Variants in DHX32 observed in about 807,000 individuals in gnomAD.
The protein encoded by DHX32 is putative pre-mRNA-splicing factor ATP-dependent RNA helicase DHX32.
In DHX32, 51 loss-of-function variants were observed where a neutral mutation model predicts 70.0. That is an observed-to-expected ratio of 0.73 (90% CI 0.58 to 0.92). The LOEUF (loss-of-function observed/expected upper bound fraction) is 0.92. Ranked by LOEUF, DHX32 falls within the 40% of genes least tolerant of loss-of-function variation. The pLI, the probability that DHX32 is intolerant of heterozygous loss-of-function variation, is 0.00. For missense variants in DHX32, 762 were observed against 891.8 expected (o/e 0.85, Z 1.85); for synonymous variants, 310 against 315.3 (o/e 0.98, Z 0.18).
At chr10:125,862,807 A>G (rs1944198148) in intron 2 of DHX32, among the ~76,000 whole-genome samples, 1 of 152,104 alleles carries the variant, frequency 6.6e-6, no homozygotes, top group Non-Finnish European at 1.5e-5. Flanking sequence ...GTGAGCTATG[A>G]TCCCACAACT....
At chr10:125,860,297 T>C (rs903262138) in intron 2 of DHX32, among the ~76,000 whole-genome samples, 1 of 152,224 alleles carries the variant, frequency 6.6e-6, no homozygotes, top group African/African-American at 2.4e-5. Flanking sequence ...TGTTCTGAGC[T>C]TTATACATAA....
rs757873029 is a variant in DHX32 at position 125,866,951 on chromosome 10, AATC to A, written c.476+36_476+38del. The A allele has an allele frequency of 1.9e-6, 3 of 1,580,556 alleles. No individual in the cohort carries two copies. On this transcript the variant is annotated intron_variant, in intron 2 of 10. Transcript: ENST00000284690. This position sits in a 1 kb window ranked among gnomAD's most constrained non-coding sequence, Gnocchi z 4.8. ...TCAGAATTGTAGAACCTAAGCCAAGAATCATCAGCAGGGAGCGGACTGAACCCC... is the reference window on the plus strand; with the variant it reads ...TCAGAATTGTAGAACCTAAGCCAAGAATCAGCAGGGAGCGGACTGAACCCC...
At chr10:125,886,444 A>T (rs566904527) in intron 1 of DHX32, among the ~76,000 whole-genome samples, 5 of 152,176 alleles carry the variant, frequency 3.3e-5, no homozygotes, top group Non-Finnish European at 7.4e-5. Context: ...TAGTGTCTCC[A>T]CTGCAGTCTA....
rs370666697 is a variant in DHX32, at chr10:125,852,649, A to G, written c.1093-7T>C. The G allele has an allele frequency of 3.4e-5, 55 of 1,596,386 alleles. No homozygotes were observed. Among genetic ancestry groups the G allele is most frequent in the Non-Finnish European group, 4.4e-5 (52 of 1,173,724 alleles). ...TTATTCTCGGGTTGTACACCTTTAAATGGAAAGACAGCATCATTAGCGTCA... is the reference window on the plus strand; with the variant it reads ...TTATTCTCGGGTTGTACACCTTTAAGTGGAAAGACAGCATCATTAGCGTCA... On this transcript the variant is annotated splice_region_variant and splice_polypyrimidine_tract_variant and intron_variant, in intron 4 of 10. Transcript: ENST00000284690.
intron 3 of DHX32, among the ~76,000 whole-genome samples, chr10:125,857,424 A>G (rs1369801104): frequency 1.3e-5 from 2 of 152,202 alleles, no homozygotes; most frequent in African/African-American, 4.8e-5. Context: ...CTGAACAATG[A>G]GGAGCTCACC....
At chr10:125,888,129 G>A (rs77308364) in intron 1 of DHX32, among the ~76,000 whole-genome samples, 5 of 151,210 alleles carry the variant, frequency 3.3e-5, no homozygotes, top group Non-Finnish European at 7.4e-5. Context: ...AAATATACAC[G>A]CCTTGCCTTT....
intron 1 of DHX32, among the ~76,000 whole-genome samples, chr10:125,886,730 ATTAAAGCTGC>A (rs1944342858): frequency 6.6e-6 from 1 of 152,310 alleles, no homozygotes; most frequent in South Asian, 2.1e-4. Context: ...TTCAACATTT[ATTAAAGCTGC>A]TTTCTTCTTG....
At chr10:125,891,850 A>T (rs1944373054) in intron 1 of DHX32, among the ~76,000 whole-genome samples, 2 of 152,144 alleles carry the variant, frequency 1.3e-5, no homozygotes, top group South Asian at 2.1e-4. Flanking sequence ...TTCCACAATC[A>T]GCCCCTCCCC....
chr10:125,884,427 T>C (rs990639033), upstream of DHX32, among the ~76,000 whole-genome samples: 1 of 152,238 alleles, frequency 6.6e-6, no homozygotes, highest in African/African-American at 2.4e-5. Flanking sequence ...TACATTCCAC[T>C]ATAAGAAATT....
chr10:125,892,159 TCACCC>T (rs1368639417), intron 1 of DHX32, among the ~76,000 whole-genome samples: 1 of 151,604 alleles, frequency 6.6e-6, no homozygotes, highest in African/African-American at 2.4e-5. Context: ...ATCCAGTCTA[TCACCC>T]CACTGTCATC....
intron 6 of DHX32, chr10:125,842,186 A>G (rs17153668): frequency 2.3e-6 from 1 of 427,868 alleles, no homozygotes; most frequent in East Asian, 4.8e-5. Context: ...TGCGGGGGGA[A>G]CCCAGGTGGA....
At chr10:125,891,154 T>G (rs1387934356) in intron 1 of DHX32, among the ~76,000 whole-genome samples, 1 of 152,212 alleles carries the variant, frequency 6.6e-6, no homozygotes, top group Non-Finnish European at 1.5e-5. Context: ...TAATTTACTC[T>G]GAGTAGAAGC....
chr10:125,896,407 G>T, exon 1 of DHX32: 2 of 547,964 alleles, frequency 3.6e-6, no homozygotes, highest in Non-Finnish European at 2.7e-6. Flanking sequence ...CCGGGCTTCA[G>T]GAGCAGTGTC....
intron 3 of DHX32, 29 bp from the exon 4 acceptor site, chr10:125,854,232 AAT>A (rs1944126880): frequency 6.4e-7 from 1 of 1,554,266 alleles, no homozygotes; most frequent in African/African-American, 1.4e-5. Flanking sequence ...ATGAAAATAA[AAT>A]ACAATGCAAA....
chr10:125,838,208 T>C lies in DHX32; in HGVS notation c.2061A>G (p.Glu687=), dbSNP rs1854759263. The change falls in exon 10 of 11, where the codon GAA becomes GAG. Residue 687 remains glutamate, a splice_region_variant and synonymous_variant. Transcript: ENST00000284690. Reference sequence around the variant, plus strand: ...CCTTTCTTCTCCATTAAACTTACAGTTCAGGAGAGATTTCTGAGGTAATCC... The same window carrying C: ...CCTTTCTTCTCCATTAAACTTACAGCTCAGGAGAGATTTCTGAGGTAATCC... ...YIRITSEISP[E]LFMQLVPQYY... 3.1e-6 allele frequency: 5 copies of C among 1,601,452 alleles called. No homozygotes were observed. Among genetic ancestry groups the C allele is most frequent in the Non-Finnish European group, 4.3e-6 (5 of 1,176,248 alleles).
intron 1 of DHX32, among the ~76,000 whole-genome samples, chr10:125,877,965 A>G (rs1254368772): frequency 6.6e-6 from 1 of 152,202 alleles, no homozygotes; most frequent in Non-Finnish European, 1.5e-5. Flanking sequence ...TTCACACTAT[A>G]TGGTCTATTC....
At chr10:125,891,040 A>C (rs1484527541) in intron 1 of DHX32, among the ~76,000 whole-genome samples, 1 of 152,162 alleles carries the variant, frequency 6.6e-6, no homozygotes, top group Non-Finnish European at 1.5e-5. Flanking sequence ...CCCTACAAAT[A>C]AGTTTCTAAG....
chr10:125,868,927 C>T (rs1164973477), intron 1 of DHX32, among the ~76,000 whole-genome samples: 1 of 152,134 alleles, frequency 6.6e-6, no homozygotes, highest in Non-Finnish European at 1.5e-5. Flanking sequence ...GCTGTTTGTT[C>T]CTAGTTCCCC....
chr10:125,884,062 C>T (rs957882722), upstream of DHX32, among the ~76,000 whole-genome samples: 33 of 152,266 alleles, frequency 2.2e-4, 1 homozygote, highest in South Asian at 1.7e-3. Context: ...GAGTCTGAGG[C>T]GCAAAACTAT....
Sources: allele counts gnomAD v4.1 joint callset (sites outside exome capture counted in the v4.1 genomes callset), GRCh38; gene constraint gnomAD v4.1.1; non-coding constraint Gnocchi (gnomAD v3.1); transcripts MANE v1.5; gene names NCBI Gene and HGNC (gene_info 2026-07-23, HGNC 2026-07-21).